Variants in USP24 observed in about 807,000 individuals in gnomAD.
USP24 encodes the protein ubiquitin specific peptidase 24, also known as ubiquitin carboxyl-terminal hydrolase 24.
A neutral mutation model predicts 361.6 loss-of-function variants in USP24; 97 were observed. That is an observed-to-expected ratio of 0.27 (90% CI 0.23 to 0.32). The LOEUF (loss-of-function observed/expected upper bound fraction) is 0.32. Among genes scored for constraint, USP24 ranks in the 10% least tolerant of loss-of-function variants. The pLI, the probability that USP24 is intolerant of heterozygous loss-of-function variation, is 1.00. For missense variants in USP24, 2,353 were observed against 3,165.6 expected, an observed-to-expected ratio of 0.74 and a Z score of 6.16; for synonymous variants, 1,098 against 1,124.6, an observed-to-expected ratio of 0.98 and a Z score of 0.47.
chr1:55,071,754 T>C (rs1190065358), intron 67 of USP24, 60 bp downstream of exon 67: 3 of 1,507,976 alleles, frequency 2.0e-6, no homozygotes, highest in Non-Finnish European at 1.8e-6. Context: ...TGGAAATTCT[T>C]TTTGGAAAGC....
intron 61 of USP24, among the ~76,000 whole-genome samples, 199 bp from the exon 62 acceptor site, chr1:55,077,499 C>T (rs972157230): frequency 5.9e-5 from 9 of 152,124 alleles, no homozygotes; most frequent in Non-Finnish European, 1.0e-4. Context: ...CCAGCTGCAA[C>T]ACTCTGATAC....
At chr1:55,171,741 A>G (rs1343039663) in intron 4 of USP24, 63 bp from the exon 5 acceptor site, 7 of 1,512,022 alleles carry the variant, frequency 4.6e-6, no homozygotes, top group Non-Finnish European at 6.3e-6. Flanking sequence ...TATTAGCATT[A>G]GAAAAGAAGA....
chr1:55,214,915 C>T lies in USP24; in HGVS notation c.199G>A (p.Gly67Ser), dbSNP rs1644950661. The T allele has an allele frequency of 1.5e-6, 2 of 1,295,902 alleles. No homozygotes were observed. Among genetic ancestry groups the T allele is most frequent in the Non-Finnish European group, 9.9e-7 (1 of 1,013,798 alleles). 80.3% of individuals were successfully genotyped at this position (1,295,902 alleles called of 1,614,324 possible). The change falls in exon 1 of 68, where the codon GGC (glycine) becomes AGC (serine). Residue 67 changes from glycine (G) to serine (S), a missense_variant. Around this residue, in one of 8 missense-constraint regions of USP24, gnomAD observed 253 missense variants for 255.3 expected, o/e 0.99. Transcript: ENST00000294383. ...DSGGGPSPGPGGGPRGDGGGD... is the reference protein window; with the variant it reads ...DSGGGPSPGPSGGPRGDGGGD... The stretch of plus-strand genomic sequence containing the variant: ...CCGCCGTCGCCCCGCGGGCCCCCGC[C>T]GGGCCCGGGGCTGGGGCCACCGCCG...
At position 55,171,662 on chromosome 1, in the gene USP24, T is replaced by C. The variant is rs1407787345; in HGVS notation, c.719A>G (p.Asn240Ser). Residue 240 changes from asparagine to serine, a missense_variant, in exon 5 of 68, where the codon AAT becomes AGT. Asn to Ser is a conservative substitution (Grantham distance 46, BLOSUM62 1). Transcript: ENST00000294383. ...GVLTMAFNPD[N>S]EYHFKNRMKV... ...CATTCTGTTTTTAAAATGGTATTCA[T>C]TATCAGGATTGAAAGCCTAGATTCA... 1 of 1,604,082 alleles carries C rather than the reference T, an allele frequency of 6.2e-7. No individual in the cohort carries two copies. Among genetic ancestry groups the C allele is most frequent in the Non-Finnish European group, 8.5e-7 (1 of 1,174,328 alleles).
intron 38 of USP24, among the ~76,000 whole-genome samples, chr1:55,115,564 T>C (rs565366494): frequency 2.6e-5 from 4 of 151,588 alleles, no homozygotes; most frequent in Non-Finnish European, 5.9e-5. Flanking sequence ...TTTTACACTG[T>C]TGGTGGGAGT....
intron 7 of USP24, among the ~76,000 whole-genome samples, chr1:55,164,964 A>G (rs80003913): frequency 0.025 from 3,876 of 152,214 alleles, 61 homozygotes; most frequent in Non-Finnish European, 0.037. Flanking sequence ...CTTCCAGGGA[A>G]GCAAGTGGAG....
intron 4 of USP24, 50 bp from the exon 5 acceptor site, chr1:55,171,728 A>G (rs1444033977): frequency 6.5e-7 from 1 of 1,543,006 alleles, no homozygotes; most frequent in South Asian, 1.2e-5. Context: ...CTATAGCAAC[A>G]CATATTAGCA....
intron 1 of USP24, among the ~76,000 whole-genome samples, chr1:55,199,289 C>CA (rs1171794572): frequency 2.7e-5 from 4 of 147,670 alleles, no homozygotes; most frequent in African/African-American, 1.0e-4. Flanking sequence ...ACTCTGTTTC[C>CA]AAAAAACAAA....
At position 55,146,932 on chromosome 1, in the gene USP24, T is replaced by C. The variant is rs1647044071; in HGVS notation, c.2247A>G (p.Arg749=). The change falls in exon 19 of 68, where the codon AGA becomes AGG. Residue 749 remains arginine (R), a synonymous_variant. Coordinates refer to ENST00000294383, the MANE Select transcript of USP24 (RefSeq NM_015306.3). ...VTGQDVCELD[R]EMCFEWFTKG... ...ATCCACAATACCACCTTCTTACCTC[T>C]CTATCTAATTCACAAACATCCTGGC... The C allele has an allele frequency of 1.9e-6, 3 of 1,612,100 alleles. No individual in the cohort carries two copies. Among genetic ancestry groups the C allele is most frequent in the Non-Finnish European group, 2.5e-6 (3 of 1,178,882 alleles).
chr1:55,183,083 T>C (rs1017687387), intron 1 of USP24, among the ~76,000 whole-genome samples: 1 of 152,166 alleles, frequency 6.6e-6, no homozygotes, highest in Non-Finnish European at 1.5e-5. Context: ...CAAAGACAAG[T>C]ACACTAGACA....
chr1:55,071,119 A>T, intron 67 of USP24: 1 of 983,994 alleles, frequency 1.0e-6, no homozygotes, highest in Non-Finnish European at 1.2e-6. Flanking sequence ...GAAAGATAAC[A>T]CTTAAAAAAA....
Position 55,107,704 on chromosome 1 carries a change from C to T in USP24, c.4571-274G>A, listed in dbSNP as rs543840605. Among the ~76,000 whole-genome samples, 113 of 151,548 alleles carry T rather than the reference C, an allele frequency of 7.5e-4. No homozygotes were observed. In the Middle Eastern group the frequency reaches 0.02, roughly 27 times the overall value. ...TAAAAATACAAAAATTACACGGGCACGGTGGTGCATGTCTGTAGTCCTAGC... is the reference window on the plus strand; with the variant it reads ...TAAAAATACAAAAATTACACGGGCATGGTGGTGCATGTCTGTAGTCCTAGC... On this transcript the variant is annotated intron_variant, in intron 39 of 67. Transcript: ENST00000294383.
At chr1:55,151,514 T>A (rs1647190676) in intron 16 of USP24, among the ~76,000 whole-genome samples, 1 of 152,180 alleles carries the variant, frequency 6.6e-6, no homozygotes, top group Non-Finnish European at 1.5e-5. Flanking sequence ...TAAAAGCCTG[T>A]CAGGCGCTAT....
chr1:55,159,724 C>G, intron 8 of USP24, 39 bp from the exon 9 acceptor site: 1 of 1,514,878 alleles, frequency 6.6e-7, no homozygotes, highest in Non-Finnish European at 9.0e-7. Flanking sequence ...ACTCCCGAAG[C>G]TGTCCCAAAA....
At chr1:55,202,594 G>A (rs1036418174) in intron 1 of USP24, among the ~76,000 whole-genome samples, 4 of 152,014 alleles carry the variant, frequency 2.6e-5, no homozygotes, top group Non-Finnish European at 5.9e-5. Context: ...CAGTAGAGAC[G>A]GAGTTTCACC....
At chr1:55,199,364 T>C (rs1380845267) in intron 1 of USP24, among the ~76,000 whole-genome samples, 2 of 152,100 alleles carry the variant, frequency 1.3e-5, no homozygotes, top group Non-Finnish European at 2.9e-5. Flanking sequence ...CAATCCTAGA[T>C]TACAATTTTT....
intron 1 of USP24, among the ~76,000 whole-genome samples, chr1:55,194,304 T>TA (rs879555882): frequency 4.6e-5 from 7 of 152,242 alleles, no homozygotes; most frequent in Non-Finnish European, 8.8e-5. Context: ...CTAGCTGTGT[T>TA]ACCTTGAATA....
At position 55,103,899 on chromosome 1, in the gene USP24, G is replaced by C. The variant is rs763132821; in HGVS notation, c.5002C>G (p.Pro1668Ala). Residue 1668 changes from proline to alanine, a missense_variant, in exon 42 of 68, where the codon CCT (proline) becomes GCT (alanine). Transcript: ENST00000294383. Reference sequence around the variant, plus strand: ...ACATCAAACTCCTTGGTAAGAGCAGGGTCAGGCTGGTGATGCATAGAAAGC... The same window carrying C: ...ACATCAAACTCCTTGGTAAGAGCAGCGTCAGGCTGGTGATGCATAGAAAGC... ...ELLSMHHQPD[P>A]ALTKEFDYLP... is the part of the protein sequence containing the mutation. 6.2e-7 allele frequency: 1 copy of C among 1,612,658 alleles called. No individual in the cohort carries two copies. The highest frequency in any genetic ancestry group is 8.5e-7 in the Non-Finnish European group (1 of 1,179,388).
intron 62 of USP24, 50 bp from the exon 63 acceptor site, chr1:55,075,573 T>C (rs1411722590): frequency 1.4e-6 from 2 of 1,382,912 alleles, no homozygotes; most frequent in East Asian, 2.5e-5. Flanking sequence ...GAACTTGTCA[T>C]AGCCACGGGT....
Sources: allele counts gnomAD v4.1 joint callset (sites outside exome capture counted in the v4.1 genomes callset), GRCh38; gene constraint gnomAD v4.1.1; regional missense constraint gnomAD v4.1.1; transcripts MANE v1.5; gene names NCBI Gene and HGNC (gene_info 2026-07-23, HGNC 2026-07-21).